Variants in TMEM165 observed in about 807,000 individuals in gnomAD.
TMEM165 encodes the protein transmembrane protein 165.
Under a neutral mutation model 30.0 loss-of-function variants are expected in TMEM165, and 19 were observed. That is an observed-to-expected ratio of 0.63 (90% CI 0.44 to 0.93). TMEM165 has a LOEUF of 0.93. Ranked by LOEUF, TMEM165 falls within the 40% of genes least tolerant of loss-of-function variation. The pLI is 0.00. For synonymous variants in TMEM165, 168 were observed against 162.9 expected, an observed-to-expected ratio of 1.03 and a Z score of -0.24; for missense variants, 340 against 417.0, an observed-to-expected ratio of 0.82 and a Z score of 1.61.
chr4:55,431,125 A>T (rs1421299563), downstream of TMEM165: 1 of 152,212 alleles, frequency 6.6e-6, no homozygotes, highest in Non-Finnish European at 1.5e-5. Flanking sequence ...ACATTTCAAA[A>T]TGATGCTTTT....
intron 4 of TMEM165, among the ~76,000 whole-genome samples, chr4:55,418,841 GT>G: frequency 6.6e-6 from 1 of 152,248 alleles, no homozygotes; most frequent in East Asian, 1.9e-4. Flanking sequence ...GAGGTCAGGA[GT>G]TTGAGACCAG....
At chr4:55,438,031 G>A (rs1723028823) in intron 3 of TMEM165, among the ~76,000 whole-genome samples, 1 of 152,146 alleles carries the variant, frequency 6.6e-6, no homozygotes, top group Non-Finnish European at 1.5e-5. Context: ...GCAGGAAGTA[G>A]GCCACTCACT....
exon 4 of TMEM165, chr4:55,453,338 T>A (rs1456027357): frequency 3.8e-6 from 2 of 531,862 alleles, no homozygotes; most frequent in African/African-American, 3.8e-5. Flanking sequence ...CTGTAAACGA[T>A]CCATAACCAC....
chr4:55,400,258 A>ATATTAAT (rs1553884914), intron 1 of TMEM165, among the ~76,000 whole-genome samples: 1 of 31,850 alleles, frequency 3.1e-5, no homozygotes, highest in Non-Finnish European at 6.2e-5. Context: ...ATATTATATT[A>ATATTAAT]ATATATAATA....
intron 1 of TMEM165, among the ~76,000 whole-genome samples, chr4:55,396,699 A>G (rs1482805030): frequency 6.6e-6 from 1 of 152,236 alleles, no homozygotes; most frequent in Non-Finnish European, 1.5e-5. Context: ...TAGAGTAGCT[A>G]GAAAGACTCA....
At chr4:55,408,625 C>A (rs1721369492) in intron 1 of TMEM165, among the ~76,000 whole-genome samples, 2 of 152,146 alleles carry the variant, frequency 1.3e-5, no homozygotes, top group South Asian at 2.1e-4. Context: ...TGTCTGTACT[C>A]TTAAAGCAAA....
chr4:55,403,587 TAAG>T (rs1327788293), intron 1 of TMEM165, among the ~76,000 whole-genome samples: 3 of 151,688 alleles, frequency 2.0e-5, no homozygotes, highest in Non-Finnish European at 4.4e-5. Context: ...AAAAAAATCT[TAAG>T]TTGTTAATCC....
At chr4:55,424,830 G>T in intron 5 of TMEM165, 187 bp downstream of exon 5, 1 of 524,806 alleles carries the variant, frequency 1.9e-6, no homozygotes, top group Non-Finnish European at 3.3e-6. Context: ...GTAGAAGTTA[G>T]CAAAATACAA....
In TMEM165 at chr4:55,424,526, G is replaced by T. The variant is rs372776107; in HGVS notation, c.793-12G>T. ...CTTGGTTTTGAATTAATGCTGTGAC[G>T]CTTGCTTCCAGGACCCCTATGGTGT... On this transcript the variant is annotated splice_polypyrimidine_tract_variant and intron_variant, in intron 4 of 5. Transcript: ENST00000381334. The T allele has an allele frequency of 6.4e-7, 1 of 1,571,056 alleles. No individual in the cohort carries two copies. Among genetic ancestry groups the T allele is most frequent in the Non-Finnish European group, 8.8e-7 (1 of 1,141,460 alleles).
At chr4:55,447,267 T>C (rs569757744) in intron 3 of TMEM165, among the ~76,000 whole-genome samples, 2 of 152,162 alleles carry the variant, frequency 1.3e-5, no homozygotes, top group African/African-American at 2.4e-5. Context: ...CTCGGGAGAC[T>C]GAGGCGGGAT....
At chr4:55,439,818 G>C (rs1176007285) in intron 3 of TMEM165, among the ~76,000 whole-genome samples, 1 of 152,108 alleles carries the variant, frequency 6.6e-6, no homozygotes, top group Non-Finnish European at 1.5e-5. Context: ...AATTTACAGG[G>C]ACAGAAAGTA....
chr4:55,418,479 G>A (rs531319428), intron 4 of TMEM165, among the ~76,000 whole-genome samples: 79 of 150,704 alleles, frequency 5.2e-4, no homozygotes, highest in African/African-American at 1.8e-3. Flanking sequence ...AGCTGTGTTC[G>A]CGCCACTGCA....
downstream of TMEM165, among the ~76,000 whole-genome samples, chr4:55,427,052 T>TG (rs879709464): frequency 0.49 from 47,966 of 98,494 alleles, 8,772 homozygotes; most frequent in African/African-American, 0.57. Context: ...TTTTTTTTTT[T>TG]TGAGAGAGTC....
intron 1 of TMEM165, among the ~76,000 whole-genome samples, chr4:55,400,277 A>G (rs1370725875): frequency 1.9e-5 from 2 of 102,592 alleles, no homozygotes; most frequent in Admixed American, 2.8e-4. Context: ...TATATAATAT[A>G]ATATTATATA....
chr4:55,405,159 T>C (rs1021659498), intron 1 of TMEM165, among the ~76,000 whole-genome samples: 1 of 152,204 alleles, frequency 6.6e-6, no homozygotes, highest in African/African-American at 2.4e-5. Context: ...CTTGCAGAGC[T>C]TTAGCTGATA....
chr4:55,437,812 C>T (rs1331864617), intron 3 of TMEM165, among the ~76,000 whole-genome samples: 1 of 152,184 alleles, frequency 6.6e-6, no homozygotes, highest in Non-Finnish European at 1.5e-5. Context: ...TATACTACAC[C>T]TCCATGGTAT....
chr4:55,400,156 T>C (rs1294156750), intron 1 of TMEM165, among the ~76,000 whole-genome samples: 1 of 132,300 alleles, frequency 7.6e-6, no homozygotes, highest in African/African-American at 2.9e-5. Context: ...TGTCTTGTTT[T>C]TATTTTATAT....
At chr4:55,421,185 AAAAGAC>A (rs1284039487) in intron 4 of TMEM165, among the ~76,000 whole-genome samples, 10 of 149,566 alleles carry the variant, frequency 6.7e-5, no homozygotes, top group African/African-American at 2.5e-4. Context: ...AAAAAAAAAA[AAAAGAC>A]GACTCAGTAT....
At chr4:55,451,936 G>A (rs1724493205) in intron 3 of TMEM165, among the ~76,000 whole-genome samples, 1 of 152,130 alleles carries the variant, frequency 6.6e-6, no homozygotes, top group Non-Finnish European at 1.5e-5. Context: ...AACATTTGTT[G>A]AATGACTGAA....
Sources: allele counts gnomAD v4.1 joint callset (sites outside exome capture counted in the v4.1 genomes callset), GRCh38; gene constraint gnomAD v4.1.1; transcripts MANE v1.5; gene names NCBI Gene and HGNC (gene_info 2026-07-23, HGNC 2026-07-21).